Variants in TMPRSS7 observed in about 807,000 individuals in gnomAD.
The protein encoded by TMPRSS7 is transmembrane serine protease 7.
In TMPRSS7, 81 loss-of-function variants were observed where a neutral mutation model predicts 95.6. The observed-to-expected ratio is 0.85, with a 90% CI of 0.71 to 1.02. The LOEUF is 1.02. Ranked by LOEUF, TMPRSS7 falls within the 50% of genes least tolerant of loss-of-function variation. The pLI, the probability that TMPRSS7 is intolerant of heterozygous loss-of-function variation, is 0.00. For missense variants in TMPRSS7, 945 were observed against 955.2 expected, an observed-to-expected ratio of 0.99 and a Z score of 0.14; for synonymous variants, 364 against 337.8, an observed-to-expected ratio of 1.08 and a Z score of -0.85.
At chr3:112,066,485 A>C (rs762688119) in exon 13 of TMPRSS7, 1 of 1,613,882 alleles carries the variant, frequency 6.2e-7, no homozygotes, top group South Asian at 1.1e-5. Flanking sequence ...GGCCGGGATG[A>C]GCAAAACTGC....
chr3:112,046,646 TATC>T (rs1317671316), intron 5 of TMPRSS7, among the ~76,000 whole-genome samples: 1 of 152,236 alleles, frequency 6.6e-6, no homozygotes, highest in African/African-American at 2.4e-5. Context: ...ATAGGACTAA[TATC>T]ATATTTGTTT....
At chr3:112,038,345 T>C (rs887074595) in intron 2 of TMPRSS7, 24 bp downstream of exon 2, 2 of 698,268 alleles carry the variant, frequency 2.9e-6, no homozygotes, top group South Asian at 1.5e-5. Flanking sequence ...CTGTGTTTCT[T>C]TGGGGTTAGG....
At chr3:112,038,585 C>T (rs775556602) in intron 2 of TMPRSS7, among the ~76,000 whole-genome samples, 22 of 152,160 alleles carry the variant, frequency 1.4e-4, no homozygotes, top group Non-Finnish European at 2.6e-4. Flanking sequence ...ATCCTGCTGC[C>T]TCAGCCTCCC....
rs200044469 is a variant in TMPRSS7, at chr3:112,078,729, A to G, written c.2225-13A>G. The stretch of plus-strand genomic sequence containing the variant: ...ACCACTAACATCATTTCTACTTCCA[A>G]TGTGTTTTGCAGATAATAAAGGCTC... On this transcript the variant is annotated splice_polypyrimidine_tract_variant and intron_variant, in intron 16 of 17. Transcript: ENST00000452346. 2.1e-4 allele frequency: 338 copies of G among 1,613,962 alleles called. No individual in the cohort carries two copies. In the African/African-American group the frequency reaches 3.9e-3, roughly 19 times the overall value.
intron 13 of TMPRSS7, among the ~76,000 whole-genome samples, chr3:112,073,033 C>T (rs956968150): frequency 6.6e-6 from 1 of 151,712 alleles, no homozygotes; most frequent in Non-Finnish European, 1.5e-5. Context: ...CTCCCGCCAA[C>T]AGTGTAAAAG....
At chr3:112,075,245 C>T (rs1483474990) in intron 14 of TMPRSS7, 76 bp from the exon 15 acceptor site, 5 of 1,353,318 alleles carry the variant, frequency 3.7e-6, no homozygotes, top group Non-Finnish European at 4.8e-6. Context: ...AGTTCCCAGC[C>T]AGCACTAAAA....
At chr3:112,054,729 C>CTTTTTTTTT (rs1161735611) in intron 9 of TMPRSS7, among the ~76,000 whole-genome samples, 702 of 49,030 alleles carry the variant, frequency 0.014, 276 homozygotes, top group East Asian at 0.035. Context: ...TCTCAGTTTG[C>CTTTTTTTTT]TTTTTTTTTT....
chr3:112,081,055 A>T, exon 18 of TMPRSS7: 1 of 1,609,458 alleles, frequency 6.2e-7, no homozygotes, highest in Non-Finnish European at 8.5e-7. Flanking sequence ...TGTTCCCTGG[A>T]TTCATAAATA....
chr3:112,073,557 A>G (rs543171538), intron 13 of TMPRSS7, among the ~76,000 whole-genome samples: 1 of 152,042 alleles, frequency 6.6e-6, no homozygotes, highest in South Asian at 2.1e-4. Flanking sequence ...GTGTCTGTTC[A>G]TATCCTTTGC....
At chr3:112,071,443 G>C (rs965945138) in intron 13 of TMPRSS7, among the ~76,000 whole-genome samples, 4 of 152,138 alleles carry the variant, frequency 2.6e-5, no homozygotes, top group African/African-American at 9.7e-5. Context: ...CTCTTTTCAA[G>C]GAGTATCTTT....
In TMPRSS7 at chr3:112,063,582, G is replaced by A. The variant is rs569055384; in HGVS notation, c.1505G>A (p.Arg502His). Residue 502 changes from arginine to histidine, a missense_variant, in exon 12 of 18, where the codon CGT becomes CAT. By Grantham distance (29) the Arg-to-His change is conservative. Transcript: ENST00000452346. ...GGTTTATGTGTCCCTCAGGCCCAGCGTTGTGATGGAGTAAATGACTGCTTT... is the reference window on the plus strand; with the variant it reads ...GGTTTATGTGTCCCTCAGGCCCAGCATTGTGATGGAGTAAATGACTGCTTT... The A allele has an allele frequency of 3.5e-5, 57 of 1,613,932 alleles. No homozygotes were observed. Among genetic ancestry groups the A allele is most frequent in the East Asian group, 4.5e-5 (2 of 44,900 alleles).
chr3:112,035,456 G>A (rs184097722), intron 1 of TMPRSS7, among the ~76,000 whole-genome samples: 11 of 152,210 alleles, frequency 7.2e-5, no homozygotes, highest in Admixed American at 2.0e-4. Flanking sequence ...AGAATGAAGG[G>A]GCCATGAATA....
intron 3 of TMPRSS7, 102 bp downstream of exon 3, chr3:112,042,152 A>T (rs1041561297): frequency 3.5e-6 from 3 of 852,696 alleles, no homozygotes; most frequent in Non-Finnish European, 5.6e-6. Context: ...AGCAGGGTTT[A>T]GGGAAGTAGA....
rs187863183 is a variant in TMPRSS7 at position 112,063,511 on chromosome 3, T to G, written c.1448-14T>G. On this transcript the variant is annotated splice_polypyrimidine_tract_variant and intron_variant, in intron 11 of 17. Coordinates refer to ENST00000452346, the Ensembl canonical transcript of TMPRSS7. ...TCCAAGATTTTCTATTTTTTGATTT[T>G]TTGTTGCCCATAGCCTGCCCTGTTG... is the stretch of plus-strand genomic sequence containing the variant. 9,142 of 1,607,090 alleles carry G rather than the reference T, an allele frequency of 5.7e-3. 47 individuals carry two copies. Among genetic ancestry groups the G allele is most frequent in the Non-Finnish European group, 6.2e-3 (7,331 of 1,174,552 alleles).
In TMPRSS7 at chr3:112,072,948, G is replaced by A. The variant is rs180395; in HGVS notation, c.1667-1348G>A. Among the ~76,000 whole-genome samples, 443 of 152,276 alleles carry A rather than the reference G, an allele frequency of 2.9e-3. 2 individuals carry two copies. Among genetic ancestry groups the A allele is most frequent in the African/African-American group, 0.01 (422 of 41,560 alleles). The stretch of plus-strand genomic sequence containing the variant: ...ATATACCCAGTAATGGGATTGCTGG[G>A]TCAAATGGTATTTCTAGTTCTAGAT... On this transcript the variant is annotated intron_variant, in intron 13 of 17. Coordinates refer to ENST00000452346, the Ensembl canonical transcript of TMPRSS7.
rs1453797372 is a variant in TMPRSS7, at chr3:112,035,513, T to TAA, written c.48+622_48+623dup. ...GTATTATCCCATTAATTGGCAAGAT[T>TAA]AAAGACTGGAGGGCATGAATTTTGA... is the stretch of plus-strand genomic sequence containing the variant. On this transcript the variant is annotated intron_variant, in intron 1 of 17. Transcript: ENST00000452346. Among the ~76,000 whole-genome samples the TAA allele has an allele frequency of 2.0e-5, 3 of 152,100 alleles. No individual in the cohort carries two copies. The East Asian group carries it at 5.8e-4, about 29-fold the overall frequency.
intron 2 of TMPRSS7, among the ~76,000 whole-genome samples, chr3:112,040,382 A>T (rs892499516): frequency 2.0e-5 from 3 of 152,224 alleles, no homozygotes; most frequent in Non-Finnish European, 2.9e-5. Context: ...GAAGAAAGAC[A>T]TCCAAATTGC....
At chr3:112,076,825 G>C in intron 15 of TMPRSS7, 51 bp from the exon 16 acceptor site, 1 of 1,586,158 alleles carries the variant, frequency 6.3e-7, no homozygotes, top group Non-Finnish European at 8.6e-7. Flanking sequence ...TTTGCAAACT[G>C]TATGTGGTTC....
intron 12 of TMPRSS7, 103 bp from the exon 13 acceptor site, chr3:112,066,289 G>A (rs2073573552): frequency 3.3e-6 from 3 of 916,698 alleles, no homozygotes; most frequent in Non-Finnish European, 5.1e-6. Context: ...TGTTTTATAG[G>A]TCATCCTAAT....
Sources: gnomAD v4.1 joint callset for allele counts (sites outside exome capture counted in the v4.1 genomes callset) on GRCh38, gnomAD v4.1.1 for gene constraint, MANE v1.5 for transcripts, NCBI Gene and HGNC (gene_info 2026-07-23, HGNC 2026-07-21) for gene names.